KCNQ5: variants seen among roughly 807,000 people sequenced by gnomAD.
The protein encoded by KCNQ5 is potassium voltage-gated channel subfamily Q member 5.
KCNQ5 carries 30 observed loss-of-function variants against 98.2 expected under a neutral mutation model. The observed-to-expected ratio is 0.31, with a 90% confidence interval of 0.23 to 0.41. The LOEUF (loss-of-function observed/expected upper bound fraction) is 0.41, where lower values mean the gene tolerates loss of function less well. KCNQ5 is among the 10% of genes least tolerant of loss of function. The probability of loss-of-function intolerance (pLI) is 1.00; values close to 1 mark genes in which losing one functional copy is unlikely to be tolerated. For missense variants in KCNQ5, 835 were observed against 1,182.5 expected (o/e 0.71, Z 4.31); for synonymous variants, 458 against 449.4 (o/e 1.02, Z -0.24).
chr6:72,866,772 G>A (rs1778004259), intron 1 of KCNQ5, among the ~76,000 whole-genome samples: 1 of 152,124 alleles, frequency 6.6e-6, no homozygotes, highest in Non-Finnish European at 1.5e-5. Context: ...TTTAGACTGT[G>A]ACCTAATCTA....
intron 2 of KCNQ5, among the ~76,000 whole-genome samples, chr6:73,041,038 G>A (rs371795443): frequency 7.9e-5 from 12 of 152,124 alleles, no homozygotes; most frequent in African/African-American, 2.2e-4. Context: ...ATCAACCCTC[G>A]TTTTAAAACA....
At chr6:72,698,246 A>G (rs1202756809) in intron 1 of KCNQ5, among the ~76,000 whole-genome samples, 1 of 151,654 alleles carries the variant, frequency 6.6e-6, no homozygotes, top group Non-Finnish European at 1.5e-5. Context: ...CTTGTTGCCC[A>G]GGTTGGAGTG....
intron 1 of KCNQ5, among the ~76,000 whole-genome samples, chr6:72,853,806 C>T (rs1228551853): frequency 6.6e-6 from 1 of 152,130 alleles, no homozygotes; most frequent in Non-Finnish European, 1.5e-5. Context: ...GTACCCTTTC[C>T]AACAATAGCC....
intron 1 of KCNQ5, among the ~76,000 whole-genome samples, chr6:72,916,998 T>G (rs1261044727): frequency 1.3e-5 from 2 of 152,226 alleles, no homozygotes; most frequent in Non-Finnish European, 2.9e-5. Context: ...GTCCTCTTCC[T>G]GTATCATGAA....
At chr6:72,910,561 GGGGTGTGTGTGTGT>G (rs1366017813) in intron 1 of KCNQ5, among the ~76,000 whole-genome samples, 16 of 102,988 alleles carry the variant, frequency 1.6e-4, no homozygotes, top group East Asian at 9.9e-4. Flanking sequence ...GAAAGGTAGG[GGGGTGTGTGTGTGT>G]GTGTGTGTGT....
In KCNQ5 at chr6:72,734,565, A is replaced by C. The variant is rs548732241; in HGVS notation, c.398+111978A>C. ...TAGCATTGAAGTTATAGCTGATTTCATTTGATGTTTGAGACTTTTATTTGT... is the reference window on the plus strand; with the variant it reads ...TAGCATTGAAGTTATAGCTGATTTCCTTTGATGTTTGAGACTTTTATTTGT... On this transcript the variant is annotated intron_variant, in intron 1 of 13. Transcript: ENST00000370398. Among the ~76,000 whole-genome samples the C allele has an allele frequency of 8.5e-5, 13 of 152,192 alleles. No individual in the cohort carries two copies. In the South Asian group the frequency reaches 2.3e-3, roughly 27 times the overall value.
At chr6:72,745,886 G>A (rs995021273) in intron 1 of KCNQ5, among the ~76,000 whole-genome samples, 2 of 151,998 alleles carry the variant, frequency 1.3e-5, no homozygotes, top group Non-Finnish European at 2.9e-5. Context: ...CTGTGTTGGC[G>A]TGTAGCCGCC....
chr6:73,015,480 A>G (rs139696332), intron 2 of KCNQ5, among the ~76,000 whole-genome samples: 16 of 152,290 alleles, frequency 1.1e-4, no homozygotes, highest in South Asian at 2.1e-4. Context: ...TGTGCCTGAA[A>G]AAGACCATGC....
At chr6:72,973,975 T>C (rs1158889843) in intron 1 of KCNQ5, among the ~76,000 whole-genome samples, 3 of 152,336 alleles carry the variant, frequency 2.0e-5, no homozygotes, top group East Asian at 1.9e-4. Flanking sequence ...AGTTCTGACA[T>C]AAAGGTACAT....
intron 1 of KCNQ5, among the ~76,000 whole-genome samples, chr6:72,870,741 G>GCC (rs1778171034): frequency 6.6e-6 from 1 of 151,970 alleles, no homozygotes; most frequent in Non-Finnish European, 1.5e-5. Context: ...TTATTTGAAT[G>GCC]CCCCTATACC....
At chr6:73,077,730 C>T (rs374628493) in intron 4 of KCNQ5, 32 bp from the exon 5 acceptor site, 6 of 1,576,280 alleles carry the variant, frequency 3.8e-6, no homozygotes, top group Non-Finnish European at 4.3e-6. Flanking sequence ...GATTTCCCAC[C>T]TCTAAAAATC....
chr6:72,824,807 C>G (rs200203319), intron 1 of KCNQ5, among the ~76,000 whole-genome samples: 84 of 144,150 alleles, frequency 5.8e-4, no homozygotes, highest in Middle Eastern at 3.7e-3. Flanking sequence ...GTGTGTGTGT[C>G]TCTCTCTCTC....
chr6:73,017,845 G>C (rs916034380), intron 2 of KCNQ5, among the ~76,000 whole-genome samples: 1 of 152,072 alleles, frequency 6.6e-6, no homozygotes, highest in Non-Finnish European at 1.5e-5. Context: ...GAACACTGCA[G>C]AAGAGTCTTA....
intron 1 of KCNQ5, among the ~76,000 whole-genome samples, chr6:72,762,403 A>G (rs758779681): frequency 6.1e-5 from 9 of 147,270 alleles, no homozygotes; most frequent in Non-Finnish European, 1.3e-4. Context: ...CTAGCCAATG[A>G]CTTTAGAATA....
intron 10 of KCNQ5, among the ~76,000 whole-genome samples, chr6:73,150,513 T>TATA (rs111582386): frequency 0.17 from 24,750 of 146,932 alleles, 6,823 homozygotes; most frequent in African/African-American, 0.58. Context: ...ATATATTGCA[T>TATA]ATATTATATA....
chr6:72,666,850 C>A (rs1238498370), intron 1 of KCNQ5, among the ~76,000 whole-genome samples: 1 of 152,150 alleles, frequency 6.6e-6, no homozygotes. Context: ...TAATGGTGAA[C>A]TAACTCCTAG....
At chr6:72,683,682 T>C (rs1432569328) in intron 1 of KCNQ5, among the ~76,000 whole-genome samples, 2 of 151,924 alleles carry the variant, frequency 1.3e-5, no homozygotes, top group Non-Finnish European at 2.9e-5. Flanking sequence ...ATACTTTTTC[T>C]CTTGCCCAGC....
At chr6:73,079,779 T>C (rs1773691407) in intron 5 of KCNQ5, among the ~76,000 whole-genome samples, 1 of 152,200 alleles carries the variant, frequency 6.6e-6, no homozygotes, top group South Asian at 2.1e-4. Context: ...CTTAAAATAC[T>C]TTTTATATGT....
chr6:72,740,816 G>A (rs1036641048), intron 1 of KCNQ5, among the ~76,000 whole-genome samples: 2 of 152,186 alleles, frequency 1.3e-5, no homozygotes, highest in African/African-American at 4.8e-5. Context: ...CAGCTGCTAA[G>A]CCCTTAAGTC....
Sources: gnomAD v4.1 joint callset for allele counts (sites outside exome capture counted in the v4.1 genomes callset) on GRCh38, gnomAD v4.1.1 for gene constraint, MANE v1.5 for transcripts, NCBI Gene and HGNC (gene_info 2026-07-23, HGNC 2026-07-21) for gene names.